FAT3: variants seen among roughly 807,000 people sequenced by gnomAD.
FAT3 encodes the protein FAT atypical cadherin 3.
FAT3 carries 95 observed loss-of-function variants against 310.2 expected under a neutral mutation model. The ratio of observed to expected loss-of-function variants is 0.31; its 90% CI spans 0.26 to 0.36. FAT3 has a LOEUF of 0.36. FAT3 is among the 10% of genes least tolerant of loss of function. FAT3 has a pLI of 1.00. For missense variants in FAT3, 5,408 were observed against 5,715.6 expected, an observed-to-expected ratio of 0.95 and a Z score of 1.74; for synonymous variants, 2,314 against 2,192.9, an observed-to-expected ratio of 1.06 and a Z score of -1.54.
chr11:92,471,915 C>CTA (rs140886151), intron 2 of FAT3, among the ~76,000 whole-genome samples: 2,556 of 124,368 alleles, frequency 0.021, 26 homozygotes, highest in East Asian at 0.029. Flanking sequence ...TTTTCATATG[C>CTA]TATATATATA....
At chr11:92,356,494 G>A (rs749853818) in intron 2 of FAT3, among the ~76,000 whole-genome samples, 1 of 152,178 alleles carries the variant, frequency 6.6e-6, no homozygotes, top group Non-Finnish European at 1.5e-5. Flanking sequence ...GAGGCTGGAA[G>A]TCCAAGATCA....
chr11:92,626,467 ATC>A (rs1323823307), intron 3 of FAT3, among the ~76,000 whole-genome samples: 2 of 149,740 alleles, frequency 1.3e-5, no homozygotes, highest in Non-Finnish European at 3.0e-5. Flanking sequence ...GGCGTAGCGT[ATC>A]TCTTTTTTTT....
At chr11:92,749,842 T>C (rs1945782404) in intron 4 of FAT3, among the ~76,000 whole-genome samples, 1 of 152,166 alleles carries the variant, frequency 6.6e-6, no homozygotes, top group South Asian at 2.1e-4. Flanking sequence ...GCTCCTAGGG[T>C]CCAGTGACCT....
intron 1 of FAT3, among the ~76,000 whole-genome samples, chr11:92,282,344 A>G (rs1177136605): frequency 2.6e-5 from 4 of 152,156 alleles, no homozygotes; most frequent in Non-Finnish European, 5.9e-5. Context: ...TAAGGATTTA[A>G]TAATTTCACA....
intron 3 of FAT3, among the ~76,000 whole-genome samples, chr11:92,686,628 TA>T (rs571523064): frequency 1.3e-5 from 2 of 151,968 alleles, no homozygotes; most frequent in Non-Finnish European, 2.9e-5. Context: ...TGGGTTTTTT[TA>T]AAAAAAAGCA....
At chr11:92,559,975 A>G (rs1235649358) in intron 3 of FAT3, among the ~76,000 whole-genome samples, 1 of 152,194 alleles carries the variant, frequency 6.6e-6, no homozygotes, top group Admixed American at 6.5e-5. Context: ...TATATCAAGG[A>G]ACAGAATTGT....
At chr11:92,317,228 C>T (rs542623874) in intron 1 of FAT3, among the ~76,000 whole-genome samples, 1 of 152,250 alleles carries the variant, frequency 6.6e-6, no homozygotes, top group Admixed American at 6.5e-5. Flanking sequence ...AGGGAGATTC[C>T]ATGTAAACTC....
intron 2 of FAT3, among the ~76,000 whole-genome samples, chr11:92,416,566 A>C (rs1195258895): frequency 6.6e-6 from 1 of 152,208 alleles, no homozygotes; most frequent in Admixed American, 6.5e-5. Flanking sequence ...TCTTAAGCGC[A>C]TCTAAGAAAC....
At chr11:92,495,835 G>C (rs2135253625) in intron 2 of FAT3, among the ~76,000 whole-genome samples, 1 of 152,152 alleles carries the variant, frequency 6.6e-6, no homozygotes, top group South Asian at 2.1e-4. Flanking sequence ...TAATTTAACA[G>C]AGCTGTGTAG....
intron 1 of FAT3, among the ~76,000 whole-genome samples, chr11:92,286,740 C>T (rs1229611445): frequency 6.6e-6 from 1 of 151,888 alleles, no homozygotes; most frequent in Non-Finnish European, 1.5e-5. Flanking sequence ...GCTCATTTGC[C>T]TTTTGCTATT....
chr11:92,561,237 G>A (rs1955213838), intron 3 of FAT3, among the ~76,000 whole-genome samples: 1 of 148,278 alleles, frequency 6.7e-6, no homozygotes, highest in Non-Finnish European at 1.5e-5. Flanking sequence ...CAGTCTCTCA[G>A]ATCCTTCTAC....
intron 1 of FAT3, among the ~76,000 whole-genome samples, chr11:92,323,700 A>C (rs975609219): frequency 1.3e-5 from 2 of 151,988 alleles, no homozygotes; most frequent in African/African-American, 4.8e-5. Context: ...ACAGTGAACA[A>C]GCAGAGTAGA....
At position 92,268,730 on chromosome 11, in the gene FAT3, G is replaced by T. The variant is rs551743204; in HGVS notation, c.-18+43556G>T. Among the ~76,000 whole-genome samples the T allele has an allele frequency of 2.6e-5, 4 of 152,226 alleles. No homozygotes were observed. The South Asian group carries it at 8.3e-4, about 32-fold the overall frequency. ...TTACATATTTCCCCAGGCATTCATG[G>T]AGATTGACTAAAATATAAGTTACCA... On this transcript the variant is annotated intron_variant, in intron 1 of 27. Transcript: ENST00000525166.
rs986716607 is a variant in FAT3 at position 92,893,136 on chromosome 11, T to G, written c.*2023T>G. ...GTTTAATCCACTTCTTTTTTATGAGTCAGTGTTTCTGAATGTTTATGCAAA... is the reference window on the plus strand; with the variant it reads ...GTTTAATCCACTTCTTTTTTATGAGGCAGTGTTTCTGAATGTTTATGCAAA... On this transcript the variant is annotated 3_prime_UTR_variant, in exon 28 of 28. Transcript: ENST00000525166. The G allele has an allele frequency of 6.6e-6, 1 of 151,764 alleles. No homozygotes were observed. Among genetic ancestry groups the G allele is most frequent in the African/African-American group, 2.4e-5 (1 of 41,220 alleles). The allele number at this position is 151,764 out of a possible 1,614,324, so 9.4% of individuals were successfully genotyped here.
At chr11:92,346,485 A>G (rs1046362315) in intron 1 of FAT3, among the ~76,000 whole-genome samples, 1 of 152,128 alleles carries the variant, frequency 6.6e-6, no homozygotes, top group Non-Finnish European at 1.5e-5. Flanking sequence ...CAAGTTTGTG[A>G]TCTGTGAAAG....
intron 2 of FAT3, among the ~76,000 whole-genome samples, chr11:92,398,159 A>T (rs553656530): frequency 4.6e-4 from 70 of 152,160 alleles, no homozygotes; most frequent in African/African-American, 1.7e-3. Flanking sequence ...TACTTCAGTC[A>T]CATGGCCATC....
rs1323024340 is a variant in FAT3 at position 92,765,061 on chromosome 11, T to C, written c.4167T>C (p.Ala1389=). 2 of 1,613,162 alleles carry C rather than the reference T, an allele frequency of 1.2e-6. No homozygotes were observed. Among genetic ancestry groups the C allele is most frequent in the Admixed American group, 1.7e-5 (1 of 59,934 alleles). The change falls in exon 6 of 28, where the codon GCT becomes GCC. Residue 1389 remains alanine, a synonymous_variant. Transcript: ENST00000525166. ...TAGGGGTGGTGTCTGTGCAGCCAGCTAACACCCCTCTGTGGTTTGACATAG... is the reference window on the plus strand; with the variant it reads ...TAGGGGTGGTGTCTGTGCAGCCAGCCAACACCCCTCTGTGGTTTGACATAG... The part of the protein sequence containing the change: ...EIVGVVSVQP[A]NTPLWFDIVG...
chr11:92,319,633 A>T (rs1191077885), intron 1 of FAT3, among the ~76,000 whole-genome samples: 1 of 152,194 alleles, frequency 6.6e-6, no homozygotes, highest in Non-Finnish European at 1.5e-5. Context: ...TCCTACCCTT[A>T]AGGAGAATAT....
At chr11:92,409,583 A>T (rs1034426602) in intron 2 of FAT3, among the ~76,000 whole-genome samples, 2 of 152,078 alleles carry the variant, frequency 1.3e-5, no homozygotes, top group African/African-American at 4.8e-5. Context: ...ATGTGACAGG[A>T]GGAGGAAAAA....
Sources: allele counts gnomAD v4.1 joint callset (sites outside exome capture counted in the v4.1 genomes callset), GRCh38; gene constraint gnomAD v4.1.1; transcripts MANE v1.5; gene names NCBI Gene and HGNC (gene_info 2026-07-23, HGNC 2026-07-21).